The following RBFOX1 variants were observed in gnomAD, a reference collection of about 807,000 sequenced individuals.
The protein encoded by RBFOX1 is RNA binding protein fox-1 homolog 1.
In RBFOX1, 8 loss-of-function variants were observed where a neutral mutation model predicts 57.7. That is an observed-to-expected ratio of 0.14 (90% CI 0.08 to 0.25). RBFOX1 has a LOEUF of 0.25. Ranked by LOEUF, RBFOX1 falls within the 10% of genes least tolerant of loss-of-function variation. RBFOX1 has a pLI of 1.00. For missense variants in RBFOX1, 611 were observed against 548.5 expected (o/e 1.11, Z -1.14); for synonymous variants, 326 against 222.4 (o/e 1.47, Z -4.15).
At chr16:7,601,649 A>G (rs1333488770) in intron 9 of RBFOX1, among the ~76,000 whole-genome samples, 2 of 152,108 alleles carry the variant, frequency 1.3e-5, no homozygotes, top group African/African-American at 2.4e-5. Flanking sequence ...ACCACCACGA[A>G]TTAACAATAA....
At chr16:6,492,701 C>G (rs1012299243) in intron 2 of RBFOX1, among the ~76,000 whole-genome samples, 74 of 152,192 alleles carry the variant, frequency 4.9e-4, no homozygotes, top group Non-Finnish European at 1.0e-3. Flanking sequence ...TGTGAACAGT[C>G]AGAAGGAAAC....
chr16:7,631,057 G>C (rs1030580707), intron 11 of RBFOX1, among the ~76,000 whole-genome samples: 3 of 152,180 alleles, frequency 2.0e-5, no homozygotes, highest in African/African-American at 7.2e-5. Flanking sequence ...AGTAAAAGAT[G>C]CTTAACCAGG....
chr16:7,014,731 G>A (rs1219132741), intron 3 of RBFOX1, among the ~76,000 whole-genome samples: 1 of 151,482 alleles, frequency 6.6e-6, no homozygotes, highest in Non-Finnish European at 1.5e-5. Context: ...TTCTTTACCA[G>A]GTTGTTTTTT....
At chr16:7,565,271 T>TC (rs1340782503) in intron 5 of RBFOX1, among the ~76,000 whole-genome samples, 2 of 152,040 alleles carry the variant, frequency 1.3e-5, no homozygotes, top group African/African-American at 4.8e-5. Context: ...TGATTTTTCT[T>TC]CCCCCGCCCG....
intron 1 of RBFOX1, among the ~76,000 whole-genome samples, chr16:6,066,109 C>T (rs565215845): frequency 4.6e-4 from 70 of 152,022 alleles, no homozygotes; most frequent in Middle Eastern, 3.4e-3. Flanking sequence ...TGCTGGCCAA[C>T]ACGGTGAAAC....
intron 2 of RBFOX1, among the ~76,000 whole-genome samples, chr16:6,441,574 G>T (rs1182794678): frequency 7.2e-5 from 11 of 152,032 alleles, no homozygotes; most frequent in Admixed American, 7.2e-4. Context: ...GTGCCACCGT[G>T]CCCAGCTAAT....
At chr16:7,562,487 C>T (rs1478136902) in intron 5 of RBFOX1, among the ~76,000 whole-genome samples, 1 of 152,018 alleles carries the variant, frequency 6.6e-6, no homozygotes, top group Admixed American at 6.6e-5. Flanking sequence ...GACACGAGAC[C>T]CTGGGCAACT....
intron 1 of RBFOX1, among the ~76,000 whole-genome samples, chr16:5,336,239 C>A (rs17137850): frequency 0.012 from 1,808 of 152,196 alleles, 41 homozygotes; most frequent in African/African-American, 0.041. Flanking sequence ...CACTGAGACC[C>A]TAGAAACGGG....
chr16:7,449,605 T>C (rs992239150), intron 4 of RBFOX1, among the ~76,000 whole-genome samples: 21 of 151,892 alleles, frequency 1.4e-4, no homozygotes, highest in African/African-American at 5.1e-4. Context: ...AAATCTCTAC[T>C]CAATTCAAGC....
At chr16:6,447,051 G>A (rs1027244468) in intron 2 of RBFOX1, among the ~76,000 whole-genome samples, 2 of 152,110 alleles carry the variant, frequency 1.3e-5, no homozygotes, top group African/African-American at 2.4e-5. Context: ...AACATGAAAC[G>A]CAAGTCACAT....
At chr16:5,629,045 G>A (rs1320786266) in intron 3 of RBFOX1, among the ~76,000 whole-genome samples, 1 of 152,046 alleles carries the variant, frequency 6.6e-6, no homozygotes, top group African/African-American at 2.4e-5. Flanking sequence ...CCATCGTAGG[G>A]CAAACAAATG....
At chr16:5,837,224 A>G (rs887686714) in intron 3 of RBFOX1, among the ~76,000 whole-genome samples, 2 of 149,544 alleles carry the variant, frequency 1.3e-5, no homozygotes, top group African/African-American at 2.5e-5. Flanking sequence ...CACGCTCTCT[A>G]TATTCCAGTC....
chr16:6,767,095 A>G (rs2077442609), intron 3 of RBFOX1, among the ~76,000 whole-genome samples: 1 of 151,950 alleles, frequency 6.6e-6, no homozygotes, highest in Admixed American at 6.6e-5. Context: ...TGGTCCTATA[A>G]TTGCATTTTT....
At chr16:6,729,077 C>G (rs1195420604) in intron 3 of RBFOX1, among the ~76,000 whole-genome samples, 2 of 152,110 alleles carry the variant, frequency 1.3e-5, no homozygotes, top group African/African-American at 4.8e-5. Context: ...CCAGTGGCCT[C>G]AGAAGTGAAT....
intron 4 of RBFOX1, among the ~76,000 whole-genome samples, chr16:7,054,653 A>C (rs1405264450): frequency 1.3e-5 from 2 of 151,946 alleles, no homozygotes; most frequent in Non-Finnish European, 2.9e-5. Flanking sequence ...CTTTCTTAGA[A>C]AGAGAGTGGA....
At chr16:5,717,505 C>T (rs188259058) in intron 3 of RBFOX1, among the ~76,000 whole-genome samples, 4 of 152,280 alleles carry the variant, frequency 2.6e-5, no homozygotes, top group African/African-American at 9.6e-5. Context: ...CTCACCCCCT[C>T]CCACCCTTCA....
At chr16:6,574,219 C>G (rs925800717) in intron 2 of RBFOX1, among the ~76,000 whole-genome samples, 1 of 151,966 alleles carries the variant, frequency 6.6e-6, no homozygotes, top group Non-Finnish European at 1.5e-5. Context: ...GTTTTCTTAT[C>G]TGTAAAGTGG....
chr16:5,625,343 C>G (rs2048317421), intron 3 of RBFOX1, among the ~76,000 whole-genome samples: 1 of 152,048 alleles, frequency 6.6e-6, no homozygotes, highest in African/African-American at 2.4e-5. Context: ...GGCTGCTCCA[C>G]TCTGATGCTC....
intron 1 of RBFOX1, among the ~76,000 whole-genome samples, chr16:6,053,223 C>G (rs1232203907): frequency 1.3e-5 from 2 of 152,164 alleles, no homozygotes; most frequent in Non-Finnish European, 2.9e-5. Context: ...ACTCCTGCCC[C>G]CAATCTTGCA....
Sources: gnomAD v4.1 joint callset for allele counts (sites outside exome capture counted in the v4.1 genomes callset) on GRCh38, gnomAD v4.1.1 for gene constraint, MANE v1.5 for transcripts, NCBI Gene and HGNC (gene_info 2026-07-23, HGNC 2026-07-21) for gene names.